TXNRD3: variants seen among roughly 807,000 people sequenced by gnomAD.
TXNRD3 encodes thioredoxin reductase 3, also known as TXNRD3 neighbor gene protein.
TXNRD3 carries 68 observed loss-of-function variants against 78.2 expected under a neutral mutation model. The ratio of observed to expected loss-of-function variants is 0.87; its 90% CI spans 0.72 to 1.06. The LOEUF (loss-of-function observed/expected upper bound fraction) is 1.06, where lower values mean the gene tolerates loss of function less well. TXNRD3 is among the 50% of genes least tolerant of loss of function. TXNRD3 has a pLI of 0.00. For missense variants in TXNRD3, 751 were observed against 809.5 expected, an observed-to-expected ratio of 0.93 and a Z score of 0.88; for synonymous variants, 296 against 300.1, an observed-to-expected ratio of 0.99 and a Z score of 0.14.
At chr3:126,615,164 C>T (rs1938288962) in intron 13 of TXNRD3, among the ~76,000 whole-genome samples, 191 bp downstream of exon 13, 1 of 152,142 alleles carries the variant, frequency 6.6e-6, no homozygotes, top group African/African-American at 2.4e-5. Flanking sequence ...CCCTCTTTCC[C>T]AACCATATTC....
chr3:126,635,449 T>C (rs1490746), intron 6 of TXNRD3, among the ~76,000 whole-genome samples: 152,121 of 152,344 alleles, frequency 1, 75,949 homozygotes, highest in Non-Finnish European at 1. Context: ...TTGAAACCAC[T>C]TGTTCTACTG....
At chr3:126,629,603 G>A (rs1938664741) in intron 9 of TXNRD3, 132 bp from the exon 10 acceptor site, 3 of 611,506 alleles carry the variant, frequency 4.9e-6, no homozygotes, top group African/African-American at 1.9e-5. Flanking sequence ...GTTAGTATAA[G>A]GTTTCTGGAT....
intron 7 of TXNRD3, among the ~76,000 whole-genome samples, chr3:126,633,020 A>G (rs952792638): frequency 1.3e-5 from 2 of 152,232 alleles, no homozygotes; most frequent in East Asian, 3.8e-4. Context: ...TGTAAATAAT[A>G]TAATTCAAAT....
rs958652530 is a variant in TXNRD3, at chr3:126,654,793, G to A, written c.198C>T (p.Ser66=). ...AGCTCTTGCTGAAGATCACCACCCG[G>A]CTGCGCTCGATGAGGCCCACGAGGT... is the stretch of plus-strand genomic sequence containing the variant. Residue 66 remains serine (S), a synonymous_variant, in exon 1 of 16, where the codon AGC becomes AGT. Transcript: ENST00000524230. 1 of 1,431,398 alleles carries A rather than the reference G, an allele frequency of 7.0e-7. No homozygotes were observed. Among genetic ancestry groups the A allele is most frequent in the Non-Finnish European group, 9.1e-7 (1 of 1,093,548 alleles). The allele number at this position is 1,431,398 out of a possible 1,614,324, so 88.7% of individuals were successfully genotyped here.
intron 1 of TXNRD3, among the ~76,000 whole-genome samples, chr3:126,654,456 C>T (rs1395874139): frequency 6.6e-6 from 1 of 152,250 alleles, no homozygotes; most frequent in Admixed American, 6.5e-5. Flanking sequence ...GCTGAAATTA[C>T]CTCAGTCGTC....
intron 1 of TXNRD3, among the ~76,000 whole-genome samples, chr3:126,650,660 C>T (rs755394205): frequency 1.3e-5 from 2 of 151,994 alleles, no homozygotes; most frequent in Non-Finnish European, 2.9e-5. Flanking sequence ...AAAAAGACCT[C>T]CCTAAATCAC....
intron 12 of TXNRD3, among the ~76,000 whole-genome samples, chr3:126,618,106 T>C (rs1030071490): frequency 5.3e-5 from 8 of 152,222 alleles, no homozygotes; most frequent in African/African-American, 1.9e-4. Flanking sequence ...CCCATGCTCA[T>C]GGATTGGAAG....
intron 12 of TXNRD3, among the ~76,000 whole-genome samples, chr3:126,618,260 C>T (rs1938360613): frequency 6.6e-6 from 1 of 151,952 alleles, no homozygotes; most frequent in Non-Finnish European, 1.5e-5. Flanking sequence ...AGCCAAATAG[C>T]GAAAGTAATA....
intron 7 of TXNRD3, 120 bp downstream of exon 7, chr3:126,633,789 G>A: frequency 1.7e-6 from 1 of 595,332 alleles, no homozygotes; most frequent in Non-Finnish European, 2.6e-6. Flanking sequence ...ATGGCCGTGT[G>A]TGTGTGTGTG....
At chr3:126,637,116 G>A (rs1402453082) in intron 6 of TXNRD3, among the ~76,000 whole-genome samples, 1 of 152,044 alleles carries the variant, frequency 6.6e-6, no homozygotes, top group Non-Finnish European at 1.5e-5. Context: ...TTTGGAGACT[G>A]GGTTATTCTT....
intron 6 of TXNRD3, among the ~76,000 whole-genome samples, chr3:126,637,322 T>C (rs1012235009): frequency 2.0e-5 from 3 of 152,212 alleles, no homozygotes; most frequent in Non-Finnish European, 4.4e-5. Flanking sequence ...TCCCCCCTTA[T>C]TTCCTTAATT....
At chr3:126,630,525 G>A (rs1938682992) in intron 9 of TXNRD3, among the ~76,000 whole-genome samples, 187 bp downstream of exon 9, 1 of 152,184 alleles carries the variant, frequency 6.6e-6, no homozygotes, top group Non-Finnish European at 1.5e-5. Context: ...CCTCTGAGAA[G>A]AGCAAGGACA....
intron 3 of TXNRD3, among the ~76,000 whole-genome samples, 193 bp downstream of exon 3, chr3:126,645,918 G>C (rs1347875858): frequency 2.6e-5 from 4 of 152,286 alleles, no homozygotes; most frequent in Non-Finnish European, 5.9e-5. Flanking sequence ...AAAAATCCTA[G>C]CTTCTGAAGT....
chr3:126,634,891 G>A (rs967827300), intron 6 of TXNRD3, among the ~76,000 whole-genome samples: 1 of 152,188 alleles, frequency 6.6e-6, no homozygotes. Context: ...GACATGGGAT[G>A]TTACCATGCA....
chr3:126,629,406 T>A lies in TXNRD3; in HGVS notation c.1263A>T (p.Thr421=), dbSNP rs1481905960. 6.5e-7 allele frequency: 1 copy of A among 1,535,598 alleles called. No homozygotes were observed. The highest frequency in any genetic ancestry group is 8.7e-7 in the Non-Finnish European group (1 of 1,146,534). Residue 421 remains threonine, a synonymous_variant, in exon 10 of 16, where the codon ACA becomes ACT. Transcript: ENST00000524230. ...TGTTATAGACTCCTTCAATTGTTTCTGTTCCTTCAGTGGATTTAGCCAACA... is the reference window on the plus strand; with the variant it reads ...TGTTATAGACTCCTTCAATTGTTTCAGTTCCTTCAGTGGATTTAGCCAACA...
chr3:126,613,101 C>T (rs774014233), intron 13 of TXNRD3, among the ~76,000 whole-genome samples: 2 of 152,164 alleles, frequency 1.3e-5, no homozygotes, highest in Non-Finnish European at 2.9e-5. Context: ...CAATTACAGA[C>T]ATAATTTTTA....
At chr3:126,620,023 C>T (rs1164769436) in intron 12 of TXNRD3, among the ~76,000 whole-genome samples, 2 of 152,112 alleles carry the variant, frequency 1.3e-5, no homozygotes, top group Non-Finnish European at 1.5e-5. Flanking sequence ...TGGCCGGGCA[C>T]GGTGGCTCAT....
intron 12 of TXNRD3, among the ~76,000 whole-genome samples, chr3:126,620,726 C>A (rs13063166): frequency 6.6e-6 from 1 of 151,952 alleles, no homozygotes; most frequent in Non-Finnish European, 1.5e-5. Context: ...AAGGCCCTAC[C>A]AATTCTTCTT....
chr3:126,615,861 G>A (rs563658732), intron 12 of TXNRD3, among the ~76,000 whole-genome samples: 2 of 152,318 alleles, frequency 1.3e-5, no homozygotes, highest in East Asian at 3.9e-4. Flanking sequence ...TGCTACTTCA[G>A]TGGAAGCTGA....
Sources: gnomAD v4.1 joint callset for allele counts (sites outside exome capture counted in the v4.1 genomes callset) on GRCh38, gnomAD v4.1.1 for gene constraint, MANE v1.5 for transcripts, NCBI Gene and HGNC (gene_info 2026-07-23, HGNC 2026-07-21) for gene names.